PCDH9: variants seen among roughly 807,000 people sequenced by gnomAD.
PCDH9 encodes protocadherin 9, also known as protocadherin-9.
PCDH9 carries 24 observed loss-of-function variants against 70.6 expected under a neutral mutation model. That is an observed-to-expected ratio of 0.34 (90% CI 0.25 to 0.48). The LOEUF is 0.48. Ranked by LOEUF, PCDH9 falls within the 20% of genes least tolerant of loss-of-function variation. PCDH9 has a pLI of 0.99. For missense variants in PCDH9, 1,281 were observed against 1,503.6 expected, an observed-to-expected ratio of 0.85 and a Z score of 2.45; for synonymous variants, 562 against 558.5, an observed-to-expected ratio of 1.01 and a Z score of -0.09.
chr13:66,794,377 A>T (rs889564913), intron 3 of PCDH9, among the ~76,000 whole-genome samples: 2 of 152,036 alleles, frequency 1.3e-5, no homozygotes, highest in African/African-American at 4.8e-5. Flanking sequence ...TTAGATTTTC[A>T]GTTACTTAGG....
intron 3 of PCDH9, among the ~76,000 whole-genome samples, chr13:66,868,711 CAT>C (rs749921339): frequency 1.4e-4 from 22 of 152,046 alleles, no homozygotes; most frequent in Non-Finnish European, 2.8e-4. Flanking sequence ...GATTAAGAGA[CAT>C]ATGACATGAA....
chr13:67,050,123 T>A (rs1211489543), intron 2 of PCDH9, among the ~76,000 whole-genome samples: 3 of 152,182 alleles, frequency 2.0e-5, no homozygotes, highest in Admixed American at 6.5e-5. Flanking sequence ...GTTTTAAAAA[T>A]AAAAACATAT....
chr13:66,875,778 G>A (rs2081796363), intron 3 of PCDH9, among the ~76,000 whole-genome samples: 1 of 152,128 alleles, frequency 6.6e-6, no homozygotes, highest in Non-Finnish European at 1.5e-5. Context: ...AATGCTAAAG[G>A]GTGAAGAGAC....
At chr13:67,191,279 T>C (rs146901696) in intron 2 of PCDH9, among the ~76,000 whole-genome samples, 258 of 152,282 alleles carry the variant, frequency 1.7e-3, no homozygotes, top group African/African-American at 5.9e-3. Context: ...ATAAATTCTT[T>C]GGAGAATGTA....
chr13:67,178,661 G>A (rs894467902), intron 2 of PCDH9, among the ~76,000 whole-genome samples: 5 of 151,958 alleles, frequency 3.3e-5, no homozygotes, highest in Non-Finnish European at 7.4e-5. Context: ...AGGTCTCTGC[G>A]TATGCTGTTG....
At chr13:66,610,568 GAGT>G (rs955056640) in intron 4 of PCDH9, among the ~76,000 whole-genome samples, 2 of 152,056 alleles carry the variant, frequency 1.3e-5, no homozygotes, top group Admixed American at 6.6e-5. Flanking sequence ...ACTGCCTGTG[GAGT>G]ATTGGTATTT....
chr13:66,695,624 C>T (rs947648918), intron 3 of PCDH9, among the ~76,000 whole-genome samples: 1 of 152,166 alleles, frequency 6.6e-6, no homozygotes, highest in African/African-American at 2.4e-5. Flanking sequence ...ATCTTAAAAA[C>T]TGTCTGTTAA....
intron 4 of PCDH9, among the ~76,000 whole-genome samples, chr13:66,497,814 C>CTTTTTTT (rs763360211): frequency 1.4e-4 from 16 of 111,316 alleles, no homozygotes; most frequent in East Asian, 5.8e-4. Context: ...CACACTCTTA[C>CTTTTTTT]TTTTTTTTTT....
At chr13:67,119,117 G>A (rs553956549) in intron 2 of PCDH9, among the ~76,000 whole-genome samples, 3 of 152,092 alleles carry the variant, frequency 2.0e-5, no homozygotes, top group Admixed American at 6.6e-5. Context: ...AAAAATAAAA[G>A]ATTTCCATCC....
At chr13:66,764,273 T>A (rs1489780934) in intron 3 of PCDH9, among the ~76,000 whole-genome samples, 1 of 151,106 alleles carries the variant, frequency 6.6e-6, no homozygotes, top group Non-Finnish European at 1.5e-5. Context: ...AACCGAAAAC[T>A]TTAATTCTCA....
intron 3 of PCDH9, among the ~76,000 whole-genome samples, chr13:66,844,279 C>T (rs2081166646): frequency 6.6e-6 from 1 of 152,064 alleles, no homozygotes; most frequent in Non-Finnish European, 1.5e-5. Flanking sequence ...CCAAACACTA[C>T]AAACGGCATG....
chr13:66,967,729 T>C (rs2083453913), intron 2 of PCDH9, among the ~76,000 whole-genome samples: 1 of 152,060 alleles, frequency 6.6e-6, no homozygotes, highest in African/African-American at 2.4e-5. Context: ...AAGTTTTAAT[T>C]TGATCATTGT....
intron 2 of PCDH9, among the ~76,000 whole-genome samples, chr13:67,106,756 C>T (rs575326714): frequency 6.6e-6 from 1 of 152,340 alleles, no homozygotes; most frequent in Non-Finnish European, 1.5e-5. Flanking sequence ...CCCCTGCAGG[C>T]TCAGAAGTGC....
At chr13:66,584,649 A>G (rs1413071712) in intron 4 of PCDH9, among the ~76,000 whole-genome samples, 1 of 152,224 alleles carries the variant, frequency 6.6e-6, no homozygotes, top group Non-Finnish European at 1.5e-5. Flanking sequence ...TAATTTAAAT[A>G]CTTTTACAGT....
chr13:66,530,795 A>G (rs1297463336), intron 4 of PCDH9, among the ~76,000 whole-genome samples: 3 of 152,092 alleles, frequency 2.0e-5, no homozygotes, highest in Admixed American at 1.3e-4. Flanking sequence ...TGTTGGTTGC[A>G]TTATAATTGC....
intron 2 of PCDH9, among the ~76,000 whole-genome samples, chr13:67,095,617 G>A (rs2086304280): frequency 6.6e-6 from 1 of 152,206 alleles, no homozygotes; most frequent in Admixed American, 6.5e-5. Flanking sequence ...GACTTTGGAT[G>A]TATTATTAGC....
chr13:67,151,699 T>A (rs901990829), intron 2 of PCDH9, among the ~76,000 whole-genome samples: 1 of 145,812 alleles, frequency 6.9e-6, no homozygotes, highest in African/African-American at 2.4e-5. Flanking sequence ...AAGAAAAAAA[T>A]TCATCTTTTC....
At chr13:67,148,012 G>A (rs1243172906) in intron 2 of PCDH9, among the ~76,000 whole-genome samples, 2 of 152,086 alleles carry the variant, frequency 1.3e-5, no homozygotes, top group African/African-American at 4.8e-5. Flanking sequence ...CTGCTATAAC[G>A]ATTTCATGTT....
chr13:67,076,705 GAAGT>G (rs2085885280), intron 2 of PCDH9, among the ~76,000 whole-genome samples: 1 of 152,084 alleles, frequency 6.6e-6, no homozygotes, highest in African/African-American at 2.4e-5. Context: ...ACTATTAATA[GAAGT>G]AATAATAAAA....
Sources: allele counts gnomAD v4.1 joint callset (sites outside exome capture counted in the v4.1 genomes callset), GRCh38; gene constraint gnomAD v4.1.1; transcripts MANE v1.5; gene names NCBI Gene and HGNC (gene_info 2026-07-23, HGNC 2026-07-21).